KIAA1328: variants seen among roughly 807,000 people sequenced by gnomAD.
The protein encoded by KIAA1328 is KIAA1328, also known as protein hinderin.
In KIAA1328, 52 loss-of-function variants were observed where a neutral mutation model predicts 68.1. The observed-to-expected ratio is 0.76, with a 90% CI of 0.61 to 0.96. The LOEUF (loss-of-function observed/expected upper bound fraction) is 0.96. KIAA1328 is among the 40% of genes least tolerant of loss of function. KIAA1328 has a pLI of 0.00. For missense variants in KIAA1328, 641 were observed against 677.6 expected (o/e 0.95, Z 0.60); for synonymous variants, 232 against 239.4 (o/e 0.97, Z 0.28).
intron 6 of KIAA1328, among the ~76,000 whole-genome samples, chr18:36,994,962 AT>A (rs1457860760): frequency 6.6e-6 from 1 of 151,596 alleles, no homozygotes; most frequent in Non-Finnish European, 1.5e-5. Context: ...TTATTTATTT[AT>A]TTATTTATTA....
chr18:37,159,925 A>ATTC (rs1296610489), intron 7 of KIAA1328, among the ~76,000 whole-genome samples: 1 of 152,150 alleles, frequency 6.6e-6, no homozygotes, highest in African/African-American at 2.4e-5. Flanking sequence ...TCTTAGTCAT[A>ATTC]TTCTGTGACT....
intron 6 of KIAA1328, among the ~76,000 whole-genome samples, chr18:37,032,438 A>G (rs1228212549): frequency 6.6e-6 from 1 of 151,558 alleles, no homozygotes; most frequent in Non-Finnish European, 1.5e-5. Flanking sequence ...CCTAGTTTTC[A>G]TCTAGTATCA....
At chr18:36,871,372 A>T (rs1601075738) in intron 4 of KIAA1328, among the ~76,000 whole-genome samples, 2 of 152,304 alleles carry the variant, frequency 1.3e-5, no homozygotes, top group South Asian at 4.1e-4. Flanking sequence ...AATAGGTCAT[A>T]TCAGGGGCTA....
At chr18:37,045,922 C>G (rs1180776541) in intron 6 of KIAA1328, among the ~76,000 whole-genome samples, 1 of 152,154 alleles carries the variant, frequency 6.6e-6, no homozygotes. Flanking sequence ...TCCACTGTTG[C>G]TCATATCAGG....
At chr18:37,072,525 C>T (rs2151755664) in intron 7 of KIAA1328, among the ~76,000 whole-genome samples, 1 of 151,954 alleles carries the variant, frequency 6.6e-6, no homozygotes, top group South Asian at 2.1e-4. Flanking sequence ...AGTTTTATGT[C>T]TTTTGCCAAA....
chr18:36,956,170 T>G (rs2051406518), intron 5 of KIAA1328, among the ~76,000 whole-genome samples: 1 of 152,244 alleles, frequency 6.6e-6, no homozygotes, highest in Non-Finnish European at 1.5e-5. Flanking sequence ...TTCAGCTAAT[T>G]AATGTGATAG....
At chr18:36,934,875 G>T (rs2151162111) in intron 5 of KIAA1328, among the ~76,000 whole-genome samples, 1 of 152,324 alleles carries the variant, frequency 6.6e-6, no homozygotes, top group South Asian at 2.1e-4. Flanking sequence ...TGTTATGGCA[G>T]TATAAGATTT....
At chr18:37,038,743 CAGAAGACGTA>C (rs1169362275) in intron 6 of KIAA1328, among the ~76,000 whole-genome samples, 1 of 151,744 alleles carries the variant, frequency 6.6e-6, no homozygotes, top group African/African-American at 2.4e-5. Context: ...CAGTGTTGAT[CAGAAGACGTA>C]AGAATACACA....
chr18:37,021,719 GCTT>G (rs1276832863), intron 6 of KIAA1328, among the ~76,000 whole-genome samples: 1 of 152,124 alleles, frequency 6.6e-6, no homozygotes, highest in South Asian at 2.1e-4. Context: ...GTACAGGGGA[GCTT>G]CTTCTTTTTT....
intron 4 of KIAA1328, among the ~76,000 whole-genome samples, chr18:36,870,428 A>T (rs1044958101): frequency 6.6e-6 from 1 of 152,156 alleles, no homozygotes; most frequent in African/African-American, 2.4e-5. Flanking sequence ...TCTAATTTTA[A>T]TTTACTTATG....
chr18:37,002,868 C>T (rs1242693623), intron 6 of KIAA1328, among the ~76,000 whole-genome samples: 2 of 152,038 alleles, frequency 1.3e-5, no homozygotes, highest in Non-Finnish European at 2.9e-5. Context: ...CACAAAAGTG[C>T]CCAAATAGCC....
chr18:37,059,707 A>G (rs1232892126), intron 6 of KIAA1328, among the ~76,000 whole-genome samples: 1 of 152,246 alleles, frequency 6.6e-6, no homozygotes, highest in Non-Finnish European at 1.5e-5. Flanking sequence ...CTAAAGGATT[A>G]TAAATCATTC....
chr18:36,891,614 T>A (rs1462984048), intron 5 of KIAA1328, among the ~76,000 whole-genome samples: 2 of 152,218 alleles, frequency 1.3e-5, no homozygotes, highest in African/African-American at 4.8e-5. Context: ...TCCAGCTCCA[T>A]CCAAGTGGCA....
At chr18:36,994,826 C>G (rs1362444109) in intron 6 of KIAA1328, among the ~76,000 whole-genome samples, 1 of 152,150 alleles carries the variant, frequency 6.6e-6, no homozygotes. Flanking sequence ...TGCCTCTACT[C>G]TCATTTCTGG....
intron 4 of KIAA1328, among the ~76,000 whole-genome samples, chr18:36,867,719 A>G (rs2047802081): frequency 6.6e-6 from 1 of 152,228 alleles, no homozygotes; most frequent in Admixed American, 6.5e-5. Context: ...AAAGATGCCT[A>G]TATAAATGTG....
chr18:37,116,961 A>G (rs575324275), intron 7 of KIAA1328, among the ~76,000 whole-genome samples: 1 of 152,356 alleles, frequency 6.6e-6, no homozygotes, highest in African/African-American at 2.4e-5. Context: ...CCACAATGAA[A>G]TACCATCTCA....
intron 9 of KIAA1328, among the ~76,000 whole-genome samples, chr18:37,186,432 T>A (rs981838771): frequency 1.3e-5 from 2 of 151,432 alleles, no homozygotes; most frequent in Non-Finnish European, 2.9e-5. Context: ...CCAGGCATGG[T>A]AGTGTGCGCC....
chr18:36,895,791 T>C (rs1203358758), intron 5 of KIAA1328: 1 of 456,076 alleles, frequency 2.2e-6, no homozygotes, highest in South Asian at 1.6e-5. Context: ...TTAAATGAGG[T>C]CATACTGGTA....
Position 37,160,384 on chromosome 18 carries a change from A to G in KIAA1328, c.1414+3A>G. 6.2e-7 allele frequency: 1 copy of G among 1,610,186 alleles called. No individual in the cohort carries two copies. Among genetic ancestry groups the G allele is most frequent in the Non-Finnish European group, 8.5e-7 (1 of 1,178,220 alleles). ...AGATACATGTAGACCCCAAAGAGGT[A>G]AGTTTAACAACTGTAGTGGCAAAAT... On this transcript the variant is annotated splice_donor_region_variant and intron_variant, in intron 8 of 9. Transcript: ENST00000280020.
Sources: gnomAD v4.1 joint callset for allele counts (sites outside exome capture counted in the v4.1 genomes callset) on GRCh38, gnomAD v4.1.1 for gene constraint, MANE v1.5 for transcripts, NCBI Gene and HGNC (gene_info 2026-07-23, HGNC 2026-07-21) for gene names.